Variants in NTM observed in about 807,000 individuals in gnomAD.
NTM encodes the protein IgLON family member 2.
In NTM, 13 loss-of-function variants were observed where a neutral mutation model predicts 42.1. That is an observed-to-expected ratio of 0.31 (90% CI 0.20 to 0.49). The LOEUF (loss-of-function observed/expected upper bound fraction) is 0.49, where lower values mean the gene tolerates loss of function less well. Ranked by LOEUF, NTM falls within the 20% of genes least tolerant of loss-of-function variation. NTM has a pLI of 0.99. For synonymous variants in NTM, 187 were observed against 179.2 expected (o/e 1.04, Z -0.35); for missense variants, 373 against 452.8 (o/e 0.82, Z 1.60).
chr11:131,957,443 G>C (rs1001467736), intron 2 of NTM, among the ~76,000 whole-genome samples: 7 of 152,108 alleles, frequency 4.6e-5, no homozygotes, highest in African/African-American at 1.7e-4. Context: ...TGGGCCCTCA[G>C]ACACAGTCCA....
intron 3 of NTM, among the ~76,000 whole-genome samples, chr11:132,168,858 G>C (rs2075680822): frequency 6.6e-6 from 1 of 152,070 alleles, no homozygotes; most frequent in Admixed American, 6.5e-5. Context: ...TATAAATAAG[G>C]CTGTGGCTCT....
intron 4 of NTM, among the ~76,000 whole-genome samples, chr11:132,239,749 T>C (rs2089824649): frequency 6.6e-6 from 1 of 152,218 alleles, no homozygotes; most frequent in African/African-American, 2.4e-5. Context: ...TGTGTGTGCA[T>C]GTCTGTATGT....
intron 1 of NTM, among the ~76,000 whole-genome samples, chr11:131,417,837 C>T (rs990544858): frequency 2.6e-5 from 4 of 152,196 alleles, no homozygotes; most frequent in African/African-American, 7.2e-5. Context: ...ACAACATGTA[C>T]TGCTAGAAAG....
At chr11:131,840,697 G>T (rs1356651807) in intron 1 of NTM, among the ~76,000 whole-genome samples, 1 of 152,210 alleles carries the variant, frequency 6.6e-6, no homozygotes, top group Non-Finnish European at 1.5e-5. Context: ...TTTATGTGTT[G>T]ATGGGAATGA....
chr11:131,997,719 GC>G (rs1004464741), intron 2 of NTM, among the ~76,000 whole-genome samples: 12 of 151,880 alleles, frequency 7.9e-5, no homozygotes, highest in African/African-American at 2.9e-4. Context: ...ATTGGAAGAT[GC>G]CCTTGAAAAA....
At chr11:132,278,039 G>T (rs1253548433) in intron 4 of NTM, among the ~76,000 whole-genome samples, 1 of 152,154 alleles carries the variant, frequency 6.6e-6, no homozygotes, top group Non-Finnish European at 1.5e-5. Context: ...CACAGTCACC[G>T]CTTAATCACT....
In NTM at chr11:131,751,210, C is replaced by T. The variant is rs543914553; in HGVS notation, c.83-160354C>T. On this transcript the variant is annotated intron_variant, in intron 1 of 8. Coordinates refer to ENST00000683400, the MANE Select transcript of NTM (RefSeq NM_001352005.2). ...CAGCACTTTGGCAGGCCAAGGCAGG[C>T]GGATCACAAGTTCAGGAGATTGAGA... 3.7e-4 allele frequency among the ~76,000 whole-genome samples: 57 copies of T among 152,162 alleles called. No homozygotes were observed. In the South Asian group the frequency reaches 5.8e-3, roughly 16 times the overall value.
At chr11:131,819,173 A>C (rs2093074167) in intron 1 of NTM, among the ~76,000 whole-genome samples, 1 of 152,162 alleles carries the variant, frequency 6.6e-6, no homozygotes, top group South Asian at 2.1e-4. Context: ...CCAGGTGAAG[A>C]AGACTGTAAG....
intron 1 of NTM, among the ~76,000 whole-genome samples, chr11:131,903,742 G>T (rs2137761137): frequency 6.6e-6 from 1 of 152,274 alleles, no homozygotes; most frequent in Admixed American, 6.5e-5. Flanking sequence ...TCATTTAGAA[G>T]GCAAGAGGAA....
At chr11:132,226,471 G>GT (rs1465189759) in intron 4 of NTM, among the ~76,000 whole-genome samples, 2 of 152,060 alleles carry the variant, frequency 1.3e-5, no homozygotes, top group Admixed American at 6.6e-5. Flanking sequence ...TGATGATGAG[G>GT]TTTTTTTCAT....
At chr11:131,458,189 TG>T (rs1378473791) in intron 1 of NTM, among the ~76,000 whole-genome samples, 1 of 151,564 alleles carries the variant, frequency 6.6e-6, no homozygotes, top group African/African-American at 2.4e-5. Flanking sequence ...AAGAAGAGAG[TG>T]GGTTCTTGGT....
chr11:131,886,948 C>T (rs141527052), intron 1 of NTM, among the ~76,000 whole-genome samples: 11 of 152,284 alleles, frequency 7.2e-5, no homozygotes, highest in South Asian at 2.1e-4. Flanking sequence ...ATAGTAGCTC[C>T]GCAAGCGAGC....
intron 1 of NTM, among the ~76,000 whole-genome samples, chr11:131,527,903 T>C (rs1030853061): frequency 6.6e-6 from 1 of 152,234 alleles, no homozygotes. Context: ...CCATTGATCA[T>C]GTACTAGTTG....
rs576518905 is a variant in NTM at position 131,398,997 on chromosome 11, C to T, written c.82+28109C>T. Among the ~76,000 whole-genome samples, 14 of 152,266 alleles carry T rather than the reference C, an allele frequency of 9.2e-5. No individual in the cohort carries two copies. The South Asian group carries it at 1.0e-3, about 11-fold the overall frequency. On this transcript the variant is annotated intron_variant, in intron 1 of 8. Coordinates refer to ENST00000683400, the MANE Select transcript of NTM (RefSeq NM_001352005.2). ...TAAATATTGTAGCACCTGTAAACAA[C>T]GTGTATGCAATTAAACACAGCAGCA...
intron 1 of NTM, among the ~76,000 whole-genome samples, chr11:131,382,421 G>T (rs1942801748): frequency 6.6e-6 from 1 of 152,006 alleles, no homozygotes; most frequent in South Asian, 2.1e-4. Flanking sequence ...AACTGATAGG[G>T]GGAACTCAGG....
chr11:131,419,758 T>C (rs112188501), intron 1 of NTM, among the ~76,000 whole-genome samples: 24 of 152,302 alleles, frequency 1.6e-4, no homozygotes, highest in African/African-American at 4.6e-4. Context: ...TAAAGGATTC[T>C]TTGAGCTGCT....
intron 1 of NTM, among the ~76,000 whole-genome samples, chr11:131,869,289 G>A (rs1434478237): frequency 1.3e-5 from 2 of 152,206 alleles, no homozygotes; most frequent in African/African-American, 2.4e-5. Context: ...CCGCCTACGC[G>A]CTATGACTTG....
intron 2 of NTM, among the ~76,000 whole-genome samples, chr11:131,976,116 A>ATTCATTCCTTCCTTCC (rs2064309217): frequency 3.2e-5 from 4 of 123,770 alleles, no homozygotes; most frequent in African/African-American, 6.1e-5. Flanking sequence ...TCCCTCCCTC[A>ATTCATTCCTTCCTTCC]TTCCTTCCTT....
intron 2 of NTM, among the ~76,000 whole-genome samples, chr11:132,087,795 G>A (rs1441922455): frequency 6.6e-6 from 1 of 152,206 alleles, no homozygotes; most frequent in Non-Finnish European, 1.5e-5. Context: ...TTGTTCCTTT[G>A]CAAATGGGTT....
Sources: allele counts gnomAD v4.1 joint callset (sites outside exome capture counted in the v4.1 genomes callset), GRCh38; gene constraint gnomAD v4.1.1; transcripts MANE v1.5; gene names NCBI Gene and HGNC (gene_info 2026-07-23, HGNC 2026-07-21).